UPF2: variants seen among roughly 807,000 people sequenced by gnomAD.
UPF2 encodes UPF2 regulator of nonsense mediated mRNA decay, also known as regulator of nonsense transcripts 2.
Under a neutral mutation model 141.4 loss-of-function variants are expected in UPF2, and 17 were observed. The ratio of observed to expected loss-of-function variants is 0.12; its 90% CI spans 0.08 to 0.18. UPF2 has a LOEUF of 0.18. Among genes scored for constraint, UPF2 ranks in the 10% least tolerant of loss-of-function variants. The pLI is 1.00. For missense variants in UPF2, 1,152 were observed against 1,515.9 expected (o/e 0.76, Z 3.99); for synonymous variants, 540 against 498.0 (o/e 1.08, Z -1.12).
Position 11,920,502 on chromosome 10 carries a change from A to T in UPF2, c.*796T>A, listed in dbSNP as rs1832627462. The T allele has an allele frequency of 1.3e-5, 2 of 152,928 alleles. No individual in the cohort carries two copies. The highest frequency in any genetic ancestry group is 2.9e-5 in the Non-Finnish European group (2 of 68,600). The allele number at this position is 152,928 out of a possible 1,614,324, so 9.5% of individuals were successfully genotyped here. A position where few individuals can be genotyped will look rare whatever the true frequency, so the allele number is the denominator to read the frequency against. ...CGTTTTCTGTGACATGTTGACGGGC[A>T]TGTTTTGTTTTCAATGATACTTACA... On this transcript the variant is annotated 3_prime_UTR_variant, in exon 22 of 22. Transcript: ENST00000357604.
At chr10:11,997,781 TC>T in intron 7 of UPF2, 24 bp from the exon 8 acceptor site, 1 of 1,608,282 alleles carries the variant, frequency 6.2e-7, no homozygotes, top group Non-Finnish European at 8.5e-7. Context: ...GTAAACTTTT[TC>T]TTTAAAAACC....
At chr10:11,961,462 C>T (rs1030208580) in intron 11 of UPF2, among the ~76,000 whole-genome samples, 11 of 151,462 alleles carry the variant, frequency 7.3e-5, no homozygotes, top group Admixed American at 2.0e-4. Context: ...ATATGTGGCA[C>T]GAACAGAAGG....
At chr10:11,974,997 G>A (rs558712425) in intron 9 of UPF2, among the ~76,000 whole-genome samples, 1 of 152,278 alleles carries the variant, frequency 6.6e-6, no homozygotes, top group South Asian at 2.1e-4. Flanking sequence ...TATAATGGGG[G>A]TATATAGTCA....
chr10:11,983,459 G>A (rs767105535), intron 8 of UPF2, among the ~76,000 whole-genome samples: 64 of 151,802 alleles, frequency 4.2e-4, no homozygotes, highest in Non-Finnish European at 7.8e-4. Flanking sequence ...TGCAAGTTCC[G>A]CCTCCTGGGT....
Position 11,999,915 on chromosome 10 carries a change from C to A in UPF2, c.1749G>T (p.Leu583=). 2.5e-6 allele frequency: 4 copies of A among 1,613,598 alleles called. No individual in the cohort carries two copies. The highest frequency in any genetic ancestry group is 2.5e-6 in the Non-Finnish European group (3 of 1,179,662). ...ACAGAGATACCAATACCTTGTCTATCAGATCTCGGTTGACACAGTTGGGTA... is the reference window on the plus strand; with the variant it reads ...ACAGAGATACCAATACCTTGTCTATAAGATCTCGGTTGACACAGTTGGGTA... ...QQLPNCVNRD[L]IDKAAMDFCM... The change falls in exon 7 of 22, where the codon CTG becomes CTT. Residue 583 remains leucine (L), a synonymous_variant. Coordinates refer to ENST00000357604, the MANE Select transcript of UPF2 (RefSeq NM_015542.4).
Position 11,979,126 on chromosome 10 carries a change from T to C in UPF2, c.1884A>G (p.Thr628=), listed in dbSNP as rs1833553087. The change falls in exon 9 of 22, where the codon ACA becomes ACG. Residue 628 remains threonine (T), a synonymous_variant. Coordinates refer to ENST00000357604, the MANE Select transcript of UPF2 (RefSeq NM_015542.4). This position sits in a 1 kb window ranked among gnomAD's most constrained non-coding sequence, Gnocchi z 6.2. The part of the protein sequence containing the change: ...LLPFYARLVA[T]LHPCMSDVAE... ...CTACATCAGACATGCAGGGATGCAA[T>C]GTAGCAACCAATCTTGCATAAAATG... is the stretch of plus-strand genomic sequence containing the variant. The C allele has an allele frequency of 1.2e-6, 2 of 1,613,532 alleles. No individual in the cohort carries two copies. Among genetic ancestry groups the C allele is most frequent in the Non-Finnish European group, 8.5e-7 (1 of 1,179,662 alleles).
intron 19 of UPF2, among the ~76,000 whole-genome samples, chr10:11,932,401 G>A (rs529336308): frequency 6.6e-6 from 1 of 152,092 alleles, no homozygotes; most frequent in South Asian, 2.1e-4. Flanking sequence ...ATCAAAAAAG[G>A]TGAGAAATAT....
chr10:12,030,875 C>A (rs1834508144), intron 2 of UPF2, among the ~76,000 whole-genome samples: 1 of 146,444 alleles, frequency 6.8e-6, no homozygotes, highest in Admixed American at 7.0e-5. Context: ...CAGAGCAAGA[C>A]TCTGTCTCAA....
chr10:11,968,484 C>T (rs1833359458), intron 9 of UPF2, among the ~76,000 whole-genome samples: 1 of 152,146 alleles, frequency 6.6e-6, no homozygotes, highest in Admixed American at 6.5e-5. Flanking sequence ...AATAAGAATG[C>T]CAAGTGCTCA....
At chr10:11,937,156 T>C (rs1045630747) in intron 18 of UPF2, among the ~76,000 whole-genome samples, 1 of 152,168 alleles carries the variant, frequency 6.6e-6, no homozygotes, top group Non-Finnish European at 1.5e-5. Context: ...GTTCAGGGAG[T>C]ACTGAAGAAT....
At chr10:11,988,182 C>T (rs114094759) in intron 8 of UPF2, among the ~76,000 whole-genome samples, 43 of 152,348 alleles carry the variant, frequency 2.8e-4, no homozygotes, top group African/African-American at 1.0e-3. Flanking sequence ...TCATTAGGGA[C>T]GTTGTCCCTA....
At chr10:11,991,005 AAG>A (rs1382228102) in intron 8 of UPF2, among the ~76,000 whole-genome samples, 48 of 151,866 alleles carry the variant, frequency 3.2e-4, no homozygotes, top group Non-Finnish European at 6.0e-4. Context: ...AAAAAAAAAA[AAG>A]GAAACCTGTT....
intron 3 of UPF2, among the ~76,000 whole-genome samples, chr10:12,021,884 G>A (rs913717749): frequency 5.3e-5 from 8 of 152,092 alleles, no homozygotes; most frequent in Non-Finnish European, 7.4e-5. Context: ...AGTGGCTCAC[G>A]TCTGTAATCT....
At chr10:12,025,845 A>G (rs1834410414) in intron 3 of UPF2, among the ~76,000 whole-genome samples, 1 of 152,200 alleles carries the variant, frequency 6.6e-6, no homozygotes, top group Non-Finnish European at 1.5e-5. Flanking sequence ...CCCAGGCTAG[A>G]GTGCAGTGGT....
At chr10:11,967,595 G>A (rs1249389160) in intron 9 of UPF2, 141 bp from the exon 10 acceptor site, 3 of 527,002 alleles carry the variant, frequency 5.7e-6, no homozygotes, top group Non-Finnish European at 6.3e-6. Flanking sequence ...TGTTACCCAG[G>A]CTGGAGTGCA....
rs530257277 is a variant in UPF2, at chr10:11,992,476, C to T, written c.1844+5196G>A. On this transcript the variant is annotated intron_variant, in intron 8 of 21. Transcript: ENST00000357604. The surrounding 1 kb of genome is among the most constrained non-coding windows in gnomAD (Gnocchi z 4.1). ...TACCACTGCTCATGGTAGAAAACAA[C>T]AGAGACTGTCTAAATAAATAATCGC... Among the ~76,000 whole-genome samples the T allele has an allele frequency of 6.6e-6, 1 of 152,084 alleles. No individual in the cohort carries two copies. The highest frequency in any genetic ancestry group is 1.5e-5 in the Non-Finnish European group (1 of 68,002).
chr10:12,041,178 T>C (rs1053769522), intron 1 of UPF2, among the ~76,000 whole-genome samples: 3 of 152,234 alleles, frequency 2.0e-5, no homozygotes, highest in African/African-American at 7.2e-5. Context: ...TTTCAATAAC[T>C]TCAAGCTTTA....
intron 5 of UPF2, among the ~76,000 whole-genome samples, chr10:12,003,199 A>G (rs942524016): frequency 2.6e-5 from 4 of 152,230 alleles, no homozygotes; most frequent in Admixed American, 6.5e-5. Context: ...TCCTGCCCAC[A>G]TGGAGCATGC....
chr10:11,991,857 A>G (rs1171846615), intron 8 of UPF2, among the ~76,000 whole-genome samples: 2 of 152,214 alleles, frequency 1.3e-5, no homozygotes, highest in Non-Finnish European at 2.9e-5. Flanking sequence ...TTAGAAAATG[A>G]ACTTCAGGCC....
Sources: allele counts gnomAD v4.1 joint callset (sites outside exome capture counted in the v4.1 genomes callset), GRCh38; gene constraint gnomAD v4.1.1; non-coding constraint Gnocchi (gnomAD v3.1); transcripts MANE v1.5; gene names NCBI Gene and HGNC (gene_info 2026-07-23, HGNC 2026-07-21).